The following MAF variants were observed in gnomAD, a reference collection of about 807,000 sequenced individuals.
The protein encoded by MAF is transcription factor Maf.
In MAF, 10 loss-of-function variants were observed where a neutral mutation model predicts 22.0. The observed-to-expected ratio is 0.45, with a 90% CI of 0.28 to 0.77. The LOEUF (loss-of-function observed/expected upper bound fraction) is 0.77, where lower values mean the gene tolerates loss of function less well. MAF is among the 30% of genes least tolerant of loss of function. MAF has a pLI of 0.12. For synonymous variants in MAF, 337 were observed against 255.8 expected, an observed-to-expected ratio of 1.32 and a Z score of -3.03; for missense variants, 544 against 548.4, an observed-to-expected ratio of 0.99 and a Z score of 0.08.
chr16:79,390,939 G>A, the MAF span, among the ~76,000 whole-genome samples: 3 of 152,042 alleles, frequency 2.0e-5, no homozygotes, highest in Non-Finnish European at 4.4e-5. Flanking sequence ...AGGATTTCTG[G>A]GCTACTGTCT....
chr16:79,416,215 GGCA>G, the MAF span, among the ~76,000 whole-genome samples: 1 of 152,110 alleles, frequency 6.6e-6, no homozygotes, highest in African/African-American at 2.4e-5. Flanking sequence ...GCTGAGCTGT[GGCA>G]GCAGAACTGC....
the MAF span, among the ~76,000 whole-genome samples, chr16:79,257,116 G>A: frequency 2.0e-5 from 3 of 152,144 alleles, no homozygotes; most frequent in South Asian, 4.2e-4. Context: ...GATGGAGGTT[G>A]CAGTGAGCCA....
the MAF span, among the ~76,000 whole-genome samples, chr16:79,484,933 G>A: frequency 6.6e-6 from 1 of 152,230 alleles, no homozygotes; most frequent in East Asian, 1.9e-4. Flanking sequence ...AGGCAGATCT[G>A]GCTTTGCACC....
the MAF span, among the ~76,000 whole-genome samples, chr16:79,542,813 G>A: frequency 1.3e-5 from 2 of 152,180 alleles, no homozygotes; most frequent in Non-Finnish European, 2.9e-5. Context: ...CAGTGACCAT[G>A]GCTAGTAGAT....
At chr16:79,243,610 G>A in the MAF span, among the ~76,000 whole-genome samples, 6 of 151,958 alleles carry the variant, frequency 3.9e-5, no homozygotes, top group African/African-American at 1.4e-4. Flanking sequence ...GGACCAGAGG[G>A]ATTCAAAGCC....
chr16:79,450,366 G>A, the MAF span, among the ~76,000 whole-genome samples: 2,154 of 152,244 alleles, frequency 0.014, 51 homozygotes, highest in African/African-American at 0.049. Flanking sequence ...ACCTGCATTG[G>A]AGAAATGTCC....
the MAF span, among the ~76,000 whole-genome samples, chr16:79,344,494 T>C: frequency 0.07 from 10,633 of 152,188 alleles, 489 homozygotes; most frequent in East Asian, 0.19. Context: ...ATCAGGACTG[T>C]CCCATACAAT....
the MAF span, among the ~76,000 whole-genome samples, chr16:79,499,402 G>A: frequency 1.4e-4 from 22 of 152,218 alleles, no homozygotes; most frequent in African/African-American, 5.3e-4. Context: ...CATAGGGAGA[G>A]GCACTGCAAA....
the MAF span, among the ~76,000 whole-genome samples, chr16:79,233,212 G>A: frequency 6.6e-6 from 1 of 151,942 alleles, no homozygotes; most frequent in East Asian, 1.9e-4. Flanking sequence ...CTAACTCATG[G>A]GAATATCAAT....
downstream of MAF, among the ~76,000 whole-genome samples, chr16:79,590,036 C>G (rs1054052991): frequency 6.6e-6 from 1 of 152,208 alleles, no homozygotes; most frequent in East Asian, 1.9e-4. Flanking sequence ...GCTCCAGTCC[C>G]TGCGCACCTA....
At chr16:79,470,286 C>T in the MAF span, among the ~76,000 whole-genome samples, 1 of 152,194 alleles carries the variant, frequency 6.6e-6, no homozygotes, top group Non-Finnish European at 1.5e-5. Flanking sequence ...CGGATCCTTG[C>T]CAATGAGGAC....
the MAF span, among the ~76,000 whole-genome samples, chr16:79,289,187 C>T: frequency 1.4e-4 from 22 of 152,230 alleles, no homozygotes; most frequent in African/African-American, 3.9e-4. Flanking sequence ...GTAGGGATTT[C>T]AAGCAGGGAG....
the MAF span, among the ~76,000 whole-genome samples, chr16:79,413,107 ATACTCCCCAGG>A: frequency 6.6e-6 from 1 of 151,368 alleles, no homozygotes; most frequent in Non-Finnish European, 1.5e-5. Context: ...AAACTCATAC[ATACTCCCCAGG>A]ACAAGTTGTG....
the MAF span, among the ~76,000 whole-genome samples, chr16:79,496,390 T>A: frequency 6.6e-6 from 1 of 152,352 alleles, no homozygotes; most frequent in African/African-American, 2.4e-5. Flanking sequence ...TTTTCTGGCA[T>A]TGACTAGCAA....
the MAF span, among the ~76,000 whole-genome samples, chr16:79,239,746 C>T: frequency 2.0e-5 from 3 of 151,960 alleles, no homozygotes; most frequent in African/African-American, 7.2e-5. Context: ...TGCTGAAATC[C>T]CCAGAAGTTA....
the MAF span, among the ~76,000 whole-genome samples, chr16:79,539,367 G>A: frequency 6.6e-6 from 1 of 152,140 alleles, no homozygotes; most frequent in Non-Finnish European, 1.5e-5. Context: ...GCCGGGCTTG[G>A]TGGCATGCAC....
chr16:79,356,942 G>A, the MAF span, among the ~76,000 whole-genome samples: 2 of 152,124 alleles, frequency 1.3e-5, no homozygotes, highest in Admixed American at 6.5e-5. Context: ...TTCTATTCAT[G>A]TTTTCTTTTT....
the MAF span, among the ~76,000 whole-genome samples, chr16:79,511,647 G>A: frequency 6.6e-6 from 1 of 152,156 alleles, no homozygotes; most frequent in African/African-American, 2.4e-5. Context: ...TAATATGTAT[G>A]GTACATATAT....
chr16:79,600,430 G>C lies in MAF; in HGVS notation c.-528C>G, dbSNP rs1010633334. 1.5e-5 allele frequency: 3 copies of C among 197,166 alleles called. No homozygotes were observed. Among genetic ancestry groups the C allele is most frequent in the African/African-American group, 7.1e-5 (3 of 42,338 alleles). 12.2% of individuals were successfully genotyped at this position (197,166 alleles called of 1,614,324 possible). On this transcript the variant is annotated 5_prime_UTR_variant, in exon 1 of 2. Transcript: ENST00000326043. ...CCGGGCGGCGCGGGCCTTGGCACGG[G>C]GGAGTTAACACTTCATGCTTCTCGC...
Sources: allele counts gnomAD v4.1 joint callset (sites outside exome capture counted in the v4.1 genomes callset), GRCh38; gene constraint gnomAD v4.1.1; transcripts MANE v1.5; gene names NCBI Gene and HGNC (gene_info 2026-07-23, HGNC 2026-07-21).